The following RBPMS variants were observed in gnomAD, a reference collection of about 807,000 sequenced individuals.
The protein encoded by RBPMS is RNA binding protein, mRNA processing factor.
A neutral mutation model predicts 26.8 loss-of-function variants in RBPMS; 7 were observed. The observed-to-expected ratio is 0.26, with a 90% confidence interval of 0.15 to 0.49. RBPMS has a LOEUF of 0.49. RBPMS is among the 20% of genes least tolerant of loss of function. The probability of loss-of-function intolerance (pLI) is 0.98; values close to 1 mark genes in which losing one functional copy is unlikely to be tolerated. For synonymous variants in RBPMS, 96 were observed against 93.3 expected, an observed-to-expected ratio of 1.03 and a Z score of -0.17; for missense variants, 186 against 250.0, an observed-to-expected ratio of 0.74 and a Z score of 1.73.
chr8:30,561,455 G>GT (rs1450163781), intron 7 of RBPMS, among the ~76,000 whole-genome samples: 1 of 152,202 alleles, frequency 6.6e-6, no homozygotes, highest in East Asian at 1.9e-4. Flanking sequence ...TCAGAGGCTG[G>GT]TAGGGTGTTC....
intron 6 of RBPMS, chr8:30,558,611 G>A: frequency 1.8e-6 from 1 of 544,892 alleles, no homozygotes; most frequent in Non-Finnish European, 3.3e-6. Context: ...CCTTTAAAAG[G>A]AGGATGAGAG....
chr8:30,421,551 T>C (rs1426180346), intron 1 of RBPMS, among the ~76,000 whole-genome samples: 1 of 152,208 alleles, frequency 6.6e-6, no homozygotes, highest in African/African-American at 2.4e-5. Flanking sequence ...AAGCCAAACA[T>C]GACAAATTAT....
chr8:30,443,489 C>T (rs531038235), intron 1 of RBPMS, among the ~76,000 whole-genome samples: 1 of 152,254 alleles, frequency 6.6e-6, no homozygotes, highest in South Asian at 2.1e-4. Context: ...AAAATAGCTC[C>T]TATCTTGTAG....
At chr8:30,429,653 C>T (rs1218858157) in intron 1 of RBPMS, among the ~76,000 whole-genome samples, 1 of 152,170 alleles carries the variant, frequency 6.6e-6, no homozygotes, top group East Asian at 1.9e-4. Context: ...AGCAAAATCC[C>T]TGTCATTGAC....
intron 5 of RBPMS, among the ~76,000 whole-genome samples, chr8:30,517,174 T>A: frequency 6.7e-6 from 1 of 149,856 alleles, no homozygotes; most frequent in South Asian, 2.1e-4. Context: ...TCAATAGATA[T>A]ATAGGCCAAG....
chr8:30,533,472 C>T (rs1824455529), intron 5 of RBPMS, among the ~76,000 whole-genome samples: 1 of 152,154 alleles, frequency 6.6e-6, no homozygotes, highest in Non-Finnish European at 1.5e-5. Context: ...TTGCTAGCAG[C>T]TTTGTTACCT....
intron 4 of RBPMS, among the ~76,000 whole-genome samples, chr8:30,489,250 T>C (rs1007366251): frequency 1.3e-5 from 2 of 152,058 alleles, no homozygotes. Context: ...TCTCTCTGTA[T>C]TGCCCAGGCT....
chr8:30,433,863 C>T (rs1049295377), intron 1 of RBPMS, among the ~76,000 whole-genome samples: 24 of 152,070 alleles, frequency 1.6e-4, no homozygotes, highest in African/African-American at 3.1e-4. Context: ...TGATTATACA[C>T]GTGTTATCTA....
intron 5 of RBPMS, among the ~76,000 whole-genome samples, chr8:30,530,156 C>T (rs755003904): frequency 5.9e-5 from 9 of 152,174 alleles, no homozygotes; most frequent in South Asian, 2.1e-4. Flanking sequence ...GTTGTTTCCA[C>T]CATTTGCCTA....
At chr8:30,431,794 T>A (rs1214183248) in intron 1 of RBPMS, among the ~76,000 whole-genome samples, 3 of 152,106 alleles carry the variant, frequency 2.0e-5, no homozygotes, top group African/African-American at 7.2e-5. Context: ...TTATTCCTGA[T>A]TATACAAGTC....
intron 5 of RBPMS, among the ~76,000 whole-genome samples, chr8:30,519,517 T>C (rs1306255144): frequency 7.6e-6 from 1 of 131,472 alleles, no homozygotes; most frequent in Non-Finnish European, 1.6e-5. Flanking sequence ...GGAGTCTCAC[T>C]GTGTTGCCCA....
chr8:30,547,843 C>T (rs1210369165), intron 6 of RBPMS, among the ~76,000 whole-genome samples: 4 of 152,072 alleles, frequency 2.6e-5, no homozygotes, highest in African/African-American at 9.7e-5. Flanking sequence ...GTGCAGTCTG[C>T]CCACCGGGAT....
chr8:30,421,472 TTTC>T (rs1810781968), intron 1 of RBPMS, among the ~76,000 whole-genome samples: 2 of 152,204 alleles, frequency 1.3e-5, no homozygotes, highest in Admixed American at 6.5e-5. Context: ...TATGTTTGTG[TTTC>T]TTATTAAAAA....
At chr8:30,522,585 G>A (rs950275111) in intron 5 of RBPMS, among the ~76,000 whole-genome samples, 1 of 152,060 alleles carries the variant, frequency 6.6e-6, no homozygotes, top group Non-Finnish European at 1.5e-5. Flanking sequence ...AACAATATAT[G>A]TCAATTTTTA....
At chr8:30,558,617 G>A (rs1827177130) in intron 6 of RBPMS, 1 of 552,990 alleles carries the variant, frequency 1.8e-6, no homozygotes. Flanking sequence ...AAAGGAGGAT[G>A]AGAGCAGAGG....
intron 4 of RBPMS, among the ~76,000 whole-genome samples, chr8:30,492,040 C>T (rs1176922586): frequency 1.3e-5 from 2 of 152,124 alleles, no homozygotes; most frequent in Non-Finnish European, 2.9e-5. Context: ...TACAGGCGTG[C>T]AGCACCACGT....
chr8:30,474,168 G>C (rs1329832024), intron 1 of RBPMS, among the ~76,000 whole-genome samples: 1 of 152,140 alleles, frequency 6.6e-6, no homozygotes, highest in Non-Finnish European at 1.5e-5. Flanking sequence ...GAACCGAACA[G>C]ATGAAGAGTT....
chr8:30,504,111 TC>T (rs1167086869), intron 4 of RBPMS, among the ~76,000 whole-genome samples, 174 bp from the exon 5 acceptor site: 1 of 152,212 alleles, frequency 6.6e-6, no homozygotes, highest in Non-Finnish European at 1.5e-5. Flanking sequence ...CCACTGACTT[TC>T]GGGACACTTT....
At chr8:30,409,664 C>T (rs1354917311) in intron 1 of RBPMS, among the ~76,000 whole-genome samples, 10 of 152,280 alleles carry the variant, frequency 6.6e-5, no homozygotes, top group South Asian at 4.1e-4. Context: ...GACGGAGTCT[C>T]GCTCTGTTGC....
Sources: allele counts gnomAD v4.1 joint callset (sites outside exome capture counted in the v4.1 genomes callset), GRCh38; gene constraint gnomAD v4.1.1; transcripts MANE v1.5; gene names NCBI Gene and HGNC (gene_info 2026-07-23, HGNC 2026-07-21).